The following UBE2E3 variants were observed in gnomAD, a reference collection of about 807,000 sequenced individuals.
UBE2E3 encodes the protein ubiquitin conjugating enzyme E2 E3, also known as ubiquitin-conjugating enzyme E2 E3.
A neutral mutation model predicts 23.6 loss-of-function variants in UBE2E3; 5 were observed. That is an observed-to-expected ratio of 0.21 (90% CI 0.11 to 0.44). The LOEUF is 0.44. Ranked by LOEUF, UBE2E3 falls within the 20% of genes least tolerant of loss-of-function variation. The pLI is 0.99. For missense variants in UBE2E3, 81 were observed against 249.8 expected, an observed-to-expected ratio of 0.32 and a Z score of 4.55; for synonymous variants, 78 against 87.5, an observed-to-expected ratio of 0.89 and a Z score of 0.60.
intron 3 of UBE2E3, among the ~76,000 whole-genome samples, chr2:180,995,808 T>C (rs1056957847): frequency 3.3e-5 from 5 of 151,906 alleles, no homozygotes; most frequent in African/African-American, 7.3e-5. Context: ...ACAAAACTCC[T>C]GGTGTGCTTT....
At chr2:181,030,980 T>C (rs990802685) in intron 3 of UBE2E3, among the ~76,000 whole-genome samples, 2 of 152,188 alleles carry the variant, frequency 1.3e-5, no homozygotes, top group South Asian at 2.1e-4. Flanking sequence ...TTACGTTTGT[T>C]ACCTTTTCTA....
chr2:181,022,749 A>AC (rs1553537545), intron 3 of UBE2E3, among the ~76,000 whole-genome samples: 4 of 151,906 alleles, frequency 2.6e-5, no homozygotes, highest in Non-Finnish European at 4.4e-5. Flanking sequence ...CAAAAAAAAA[A>AC]CCCCACAGGT....
intron 3 of UBE2E3, among the ~76,000 whole-genome samples, chr2:181,027,352 T>C (rs1237287944): frequency 6.6e-6 from 1 of 151,906 alleles, no homozygotes; most frequent in Non-Finnish European, 1.5e-5. Context: ...GGTAGCTGCA[T>C]CATATATCAT....
chr2:181,030,449 T>A (rs1007652952), intron 3 of UBE2E3, among the ~76,000 whole-genome samples: 7 of 152,150 alleles, frequency 4.6e-5, no homozygotes, highest in African/African-American at 1.7e-4. Context: ...CAATATATAT[T>A]ATCTTTTTTC....
chr2:181,049,887 ATAC>A (rs371549449), intron 3 of UBE2E3, among the ~76,000 whole-genome samples: 23 of 151,990 alleles, frequency 1.5e-4, no homozygotes, highest in African/African-American at 5.6e-4. Context: ...AGACTATGAA[ATAC>A]TACTACTTTT....
At chr2:181,017,200 G>GA (rs11452267) in intron 3 of UBE2E3, among the ~76,000 whole-genome samples, 35,323 of 152,144 alleles carry the variant, frequency 0.23, 4,467 homozygotes, top group Non-Finnish European at 0.28. Flanking sequence ...TAGGGATCGG[G>GA]AGTATGGAAG....
chr2:181,017,786 C>T (rs1482337427), intron 3 of UBE2E3, among the ~76,000 whole-genome samples: 3 of 147,392 alleles, frequency 2.0e-5, no homozygotes. Flanking sequence ...CTTACCTTGT[C>T]TTTCAGCTCC....
chr2:181,055,714 T>C (rs886593408), intron 3 of UBE2E3, among the ~76,000 whole-genome samples: 5 of 150,718 alleles, frequency 3.3e-5, no homozygotes, highest in Admixed American at 3.3e-4. Context: ...ATGTACACTT[T>C]GTCCGATGGC....
intron 3 of UBE2E3, among the ~76,000 whole-genome samples, chr2:181,020,659 A>G (rs1167869950): frequency 6.6e-6 from 1 of 152,196 alleles, no homozygotes; most frequent in Non-Finnish European, 1.5e-5. Flanking sequence ...TCTTGTGTCT[A>G]AGTTCAAATA....
chr2:181,020,783 A>G (rs989392691), intron 3 of UBE2E3, among the ~76,000 whole-genome samples: 1 of 152,226 alleles, frequency 6.6e-6, no homozygotes, highest in African/African-American at 2.4e-5. Flanking sequence ...GGAAAAAAGT[A>G]AGGTAGTCAT....
At chr2:181,042,371 A>G (rs78325391) in intron 3 of UBE2E3, among the ~76,000 whole-genome samples, 3 of 152,306 alleles carry the variant, frequency 2.0e-5, no homozygotes, top group Admixed American at 6.5e-5. Context: ...TTAGCCCCCC[A>G]TCAGTGTGAC....
intron 3 of UBE2E3, among the ~76,000 whole-genome samples, chr2:181,029,469 T>A (rs1686002147): frequency 6.6e-6 from 1 of 152,174 alleles, no homozygotes; most frequent in Non-Finnish European, 1.5e-5. Flanking sequence ...CTGATTTTGC[T>A]TTGTAATTTT....
chr2:180,986,400 TC>T (rs1189796408), intron 3 of UBE2E3, among the ~76,000 whole-genome samples: 1 of 152,158 alleles, frequency 6.6e-6, no homozygotes, highest in African/African-American at 2.4e-5. Context: ...CTAGTTTTTG[TC>T]CTTGAGTAGG....
At chr2:181,013,482 G>C in intron 3 of UBE2E3, among the ~76,000 whole-genome samples, 1 of 94,352 alleles carries the variant, frequency 1.1e-5, no homozygotes, top group Admixed American at 1.0e-4. Flanking sequence ...ACTGGCTGTT[G>C]GCAAATGGCC....
chr2:180,982,368 A>G (rs2105560620), intron 2 of UBE2E3, 132 bp downstream of exon 2: 1 of 813,526 alleles, frequency 1.2e-6, no homozygotes, highest in East Asian at 2.5e-5. Flanking sequence ...TTGTACTTGA[A>G]TGAGTTGTCA....
intron 2 of UBE2E3, among the ~76,000 whole-genome samples, chr2:180,982,495 G>A (rs1684331701): frequency 6.6e-6 from 1 of 152,188 alleles, no homozygotes; most frequent in South Asian, 2.1e-4. Flanking sequence ...CTAACATTCT[G>A]ACAGATTGTT....
At chr2:181,036,633 C>G (rs958474480) in intron 3 of UBE2E3, among the ~76,000 whole-genome samples, 1 of 152,182 alleles carries the variant, frequency 6.6e-6, no homozygotes, top group Non-Finnish European at 1.5e-5. Flanking sequence ...CAGGAGCATC[C>G]TGTCCAGGGA....
intron 3 of UBE2E3, among the ~76,000 whole-genome samples, chr2:180,986,902 G>A (rs1425492963): frequency 6.6e-6 from 1 of 152,006 alleles, no homozygotes; most frequent in Non-Finnish European, 1.5e-5. Context: ...ATCCCTTCCT[G>A]TGTTTTAATT....
intron 3 of UBE2E3, among the ~76,000 whole-genome samples, chr2:181,016,121 A>G (rs190111778): frequency 1.2e-3 from 187 of 152,184 alleles, no homozygotes; most frequent in African/African-American, 4.3e-3. Context: ...CTAGTGAACA[A>G]TGTAGTGGGC....
Sources: gnomAD v4.1 joint callset for allele counts (sites outside exome capture counted in the v4.1 genomes callset) on GRCh38, gnomAD v4.1.1 for gene constraint, MANE v1.5 for transcripts, NCBI Gene and HGNC (gene_info 2026-07-23, HGNC 2026-07-21) for gene names.